Variants in SNX29 observed in about 807,000 individuals in gnomAD.
The protein encoded by SNX29 is sorting nexin-29.
In SNX29, 78 loss-of-function variants were observed where a neutral mutation model predicts 102.1. That is an observed-to-expected ratio of 0.76 (90% CI 0.64 to 0.92). SNX29 has a LOEUF of 0.92. SNX29 is among the 40% of genes least tolerant of loss of function. The pLI is 0.00. For synonymous variants in SNX29, 580 were observed against 414.5 expected (o/e 1.40, Z -4.85); for missense variants, 1,280 against 1,061.7 (o/e 1.21, Z -2.86).
chr16:12,444,294 AGCAC>A (rs2085950164), intron 18 of SNX29, among the ~76,000 whole-genome samples: 1 of 151,730 alleles, frequency 6.6e-6, no homozygotes, highest in Non-Finnish European at 1.5e-5. Flanking sequence ...GCATGTAGTA[AGCAC>A]TCAGTATAGC....
At chr16:12,556,942 G>T (rs377009145) in intron 20 of SNX29, among the ~76,000 whole-genome samples, 2,220 of 20,968 alleles carry the variant, frequency 0.11, 54 homozygotes, top group African/African-American at 0.29. Context: ...AGCCTCTGCC[G>T]CTCAGGCTCA....
At chr16:12,565,706 TG>T (rs1241669017) in intron 20 of SNX29, among the ~76,000 whole-genome samples, 1 of 144,822 alleles carries the variant, frequency 6.9e-6, no homozygotes, top group African/African-American at 2.9e-5. Flanking sequence ...GGGAAGCAGC[TG>T]GGCCGGGTCT....
At chr16:12,462,016 TAC>T (rs375061825) in intron 18 of SNX29, among the ~76,000 whole-genome samples, 1,275 of 65,158 alleles carry the variant, frequency 0.02, 44 homozygotes, top group African/African-American at 0.073. Flanking sequence ...TATATATGTA[TAC>T]ACACACACAC....
chr16:12,383,592 A>C (rs1032924683), intron 16 of SNX29, among the ~76,000 whole-genome samples: 1 of 151,242 alleles, frequency 6.6e-6, no homozygotes, highest in Non-Finnish European at 1.5e-5. Context: ...GCCCACCACC[A>C]CGCCCAGGTA....
intron 15 of SNX29, among the ~76,000 whole-genome samples, chr16:12,354,789 T>TC (rs2082085431): frequency 6.6e-6 from 1 of 152,222 alleles, no homozygotes; most frequent in Non-Finnish European, 1.5e-5. Flanking sequence ...CTCAACCTTT[T>TC]CTTATCCAAA....
intron 20 of SNX29, among the ~76,000 whole-genome samples, chr16:12,559,271 C>G (rs754142841): frequency 2.0e-5 from 3 of 152,104 alleles, no homozygotes; most frequent in Non-Finnish European, 4.4e-5. Context: ...CCTGTCAGAT[C>G]AGCAGCAGCA....
intron 3 of SNX29, among the ~76,000 whole-genome samples, chr16:12,011,056 A>T (rs2056633089): frequency 6.6e-6 from 1 of 152,006 alleles, no homozygotes; most frequent in Non-Finnish European, 1.5e-5. Context: ...CTGACCAAAA[A>T]TCCTGGGGTT....
Position 12,570,254 on chromosome 16 carries a change from G to T in SNX29, c.*1625G>T, listed in dbSNP as rs141079929. ...CCCCGGTGAGACCAAATGAGCTGGA[G>T]CATGTATGGAGGTGCGGACCCTGCA... On this transcript the variant is annotated 3_prime_UTR_variant, in exon 21 of 21. Transcript: ENST00000566228. 2 of 1,065,262 alleles carry T rather than the reference G, an allele frequency of 1.9e-6. No individual in the cohort carries two copies. The highest frequency in any genetic ancestry group is 4.6e-5 in the South Asian group (1 of 21,960). 66.0% of individuals were successfully genotyped at this position (1,065,262 alleles called of 1,614,324 possible). A position where few individuals can be genotyped will look rare whatever the true frequency, so the allele number is the denominator to read the frequency against.
At chr16:12,545,145 G>T (rs2077530201) in intron 20 of SNX29, among the ~76,000 whole-genome samples, 1 of 152,174 alleles carries the variant, frequency 6.6e-6, no homozygotes, top group Non-Finnish European at 1.5e-5. Context: ...GCACAGCTAT[G>T]AAGTACAGAC....
chr16:12,382,536 C>G (rs1283231759), intron 16 of SNX29, among the ~76,000 whole-genome samples: 3 of 152,212 alleles, frequency 2.0e-5, no homozygotes, highest in African/African-American at 4.8e-5. Context: ...TAGAAAAATG[C>G]GTAACGCAGG....
intron 15 of SNX29, among the ~76,000 whole-genome samples, chr16:12,339,856 C>A (rs1020414851): frequency 1.3e-5 from 2 of 152,164 alleles, no homozygotes; most frequent in African/African-American, 4.8e-5. Context: ...GGATGAAATA[C>A]ACTCATTGGC....
intron 20 of SNX29, among the ~76,000 whole-genome samples, chr16:12,551,503 CT>C (rs2077975142): frequency 2.6e-5 from 4 of 152,170 alleles, no homozygotes; most frequent in South Asian, 4.1e-4. Context: ...ATCTTTGGGC[CT>C]CAGCATCAGG....
chr16:12,029,582 C>T (rs778602687), intron 4 of SNX29: 35 of 420,684 alleles, frequency 8.3e-5, no homozygotes, highest in Non-Finnish European at 1.4e-4. Flanking sequence ...ATGGCATGAC[C>T]TTGGAATTTG....
chr16:12,483,814 C>G (rs1353828342), intron 19 of SNX29, among the ~76,000 whole-genome samples: 2 of 152,178 alleles, frequency 1.3e-5, no homozygotes, highest in African/African-American at 2.4e-5. Flanking sequence ...GCAACAAGAA[C>G]AAGGAGTAGG....
chr16:12,388,064 G>A (rs375263499), intron 16 of SNX29, among the ~76,000 whole-genome samples: 4 of 152,332 alleles, frequency 2.6e-5, no homozygotes, highest in African/African-American at 9.6e-5. Context: ...ACACATGCTC[G>A]GATTGCCAGA....
intron 16 of SNX29, among the ~76,000 whole-genome samples, chr16:12,366,129 A>T (rs1233187512): frequency 2.0e-5 from 3 of 151,092 alleles, no homozygotes; most frequent in Non-Finnish European, 4.4e-5. Context: ...TTAAAAAAGG[A>T]CCTGGGGTTC....
chr16:12,134,321 A>G (rs557864180), intron 13 of SNX29, among the ~76,000 whole-genome samples: 76 of 152,338 alleles, frequency 5.0e-4, no homozygotes, highest in Non-Finnish European at 9.8e-4. Flanking sequence ...ACAAATATTT[A>G]TGATTCCCCA....
At chr16:12,344,403 CTGTAGA>C (rs2081715737) in intron 15 of SNX29, among the ~76,000 whole-genome samples, 1 of 152,182 alleles carries the variant, frequency 6.6e-6, no homozygotes, top group Admixed American at 6.5e-5. Flanking sequence ...TTTCCTCAAT[CTGTAGA>C]TGGAACCACT....
intron 13 of SNX29, among the ~76,000 whole-genome samples, chr16:12,193,073 G>A (rs971530544): frequency 6.6e-6 from 1 of 152,144 alleles, no homozygotes; most frequent in African/African-American, 2.4e-5. Context: ...AGGCTCAGGT[G>A]ATCCTCCTGC....
Sources: allele counts gnomAD v4.1 joint callset (sites outside exome capture counted in the v4.1 genomes callset), GRCh38; gene constraint gnomAD v4.1.1; transcripts MANE v1.5; gene names NCBI Gene and HGNC (gene_info 2026-07-23, HGNC 2026-07-21).